CNTN6: variants seen among roughly 807,000 people sequenced by gnomAD.
The protein encoded by CNTN6 is contactin 6.
Under a neutral mutation model 122.8 loss-of-function variants are expected in CNTN6, and 137 were observed. The ratio of observed to expected loss-of-function variants is 1.12; its 90% CI spans 0.97 to 1.29. The LOEUF (loss-of-function observed/expected upper bound fraction) is 1.29. CNTN6 is among the 50% of genes most tolerant of loss of function. CNTN6 has a pLI of 0.00. For synonymous variants in CNTN6, 570 were observed against 426.0 expected (o/e 1.34, Z -4.16); for missense variants, 1,634 against 1,223.4 (o/e 1.34, Z -5.01).
At chr3:1,294,625 G>A (rs528863070) in intron 5 of CNTN6, among the ~76,000 whole-genome samples, 2 of 152,252 alleles carry the variant, frequency 1.3e-5, no homozygotes, top group South Asian at 4.1e-4. Context: ...ACTGATTGAT[G>A]TTCAGTAAAA....
chr3:1,144,124 G>A (rs7645349), intron 1 of CNTN6, among the ~76,000 whole-genome samples: 24,655 of 152,116 alleles, frequency 0.16, 2,344 homozygotes, highest in African/African-American at 0.25. Context: ...ACACCACGCC[G>A]AGTATTACGA....
intron 1 of CNTN6, among the ~76,000 whole-genome samples, chr3:1,123,544 T>C (rs1393333628): frequency 6.6e-6 from 1 of 152,070 alleles, no homozygotes; most frequent in Non-Finnish European, 1.5e-5. Context: ...TTTGATCTTC[T>C]ACCTACAACT....
chr3:1,119,124 A>G (rs1452508452), intron 1 of CNTN6, among the ~76,000 whole-genome samples: 1 of 152,006 alleles, frequency 6.6e-6, no homozygotes, highest in Non-Finnish European at 1.5e-5. Flanking sequence ...GCTTTTTTAC[A>G]TTCTGTCTTC....
At chr3:1,211,295 T>C (rs527410775) in intron 2 of CNTN6, among the ~76,000 whole-genome samples, 18 of 152,256 alleles carry the variant, frequency 1.2e-4, no homozygotes, top group Admixed American at 7.9e-4. Flanking sequence ...GCTCATACAA[T>C]GTGATTCAGG....
Position 1,283,703 on chromosome 3 carries a change from G to A in CNTN6, c.454+5195G>A, listed in dbSNP as rs117965411. Reference sequence around the variant, plus strand: ...AGAACACTCTTTCCCTTCATTGGTTGGATATGAAACTCTCGGCGGGGCTCA... The same window carrying A: ...AGAACACTCTTTCCCTTCATTGGTTAGATATGAAACTCTCGGCGGGGCTCA... On this transcript the variant is annotated intron_variant, in intron 5 of 22. Transcript: ENST00000446702. Among the ~76,000 whole-genome samples the A allele has an allele frequency of 2.5e-3, 380 of 152,198 alleles. 12 individuals carry two copies. In the East Asian group the frequency reaches 0.067, roughly 27 times the overall value.
intron 20 of CNTN6, among the ~76,000 whole-genome samples, chr3:1,388,237 C>G (rs1301468381): frequency 6.7e-6 from 1 of 149,398 alleles, no homozygotes; most frequent in South Asian, 2.1e-4. Flanking sequence ...ACTGCCTCCT[C>G]AAGTGGGTCC....
intron 20 of CNTN6, 27 bp from the exon 21 acceptor site, chr3:1,401,405 AT>A: frequency 6.4e-7 from 1 of 1,568,266 alleles, no homozygotes; most frequent in Non-Finnish European, 8.8e-7. Context: ...ATTAACATTC[AT>A]TTGGATCTTT....
intron 2 of CNTN6, among the ~76,000 whole-genome samples, chr3:1,219,819 A>G (rs2036233): frequency 0.24 from 35,793 of 151,424 alleles, 5,405 homozygotes; most frequent in East Asian, 0.46. Flanking sequence ...ATTTTAAGAC[A>G]AGCCTGGCAA....
chr3:1,384,823 ATATATATAAC>A (rs1692613243), intron 19 of CNTN6, among the ~76,000 whole-genome samples: 2 of 148,294 alleles, frequency 1.3e-5, no homozygotes. Context: ...ATATATATAT[ATATATATAAC>A]CATAATCCTC....
chr3:1,200,928 T>C (rs994504774), intron 2 of CNTN6, among the ~76,000 whole-genome samples: 1 of 149,742 alleles, frequency 6.7e-6, no homozygotes, highest in Non-Finnish European at 1.5e-5. Flanking sequence ...TTTCGTTCTT[T>C]TTTTCTTTTT....
At chr3:1,326,969 C>T (rs1388024830) in intron 9 of CNTN6, among the ~76,000 whole-genome samples, 1 of 151,890 alleles carries the variant, frequency 6.6e-6, no homozygotes, top group African/African-American at 2.4e-5. Flanking sequence ...TTTAGGCACA[C>T]TTTATAGTAG....
chr3:1,093,877 T>A (rs1389445004), intron 1 of CNTN6, among the ~76,000 whole-genome samples: 1 of 152,118 alleles, frequency 6.6e-6, no homozygotes, highest in African/African-American at 2.4e-5. Context: ...TACTGTAACA[T>A]TGGGGTTTGG....
At position 1,153,397 on chromosome 3, in the gene CNTN6, CTT is replaced by C. The variant is rs537338857; in HGVS notation, c.55+5336_55+5337del. ...ACTGAGACTCAAAATTATAATAAGT[CTT>C]TGCAGCCATCATTTTTATGTAATGT... On this transcript the variant is annotated intron_variant, in intron 2 of 22. Transcript: ENST00000446702. 2.2e-3 allele frequency among the ~76,000 whole-genome samples: 339 copies of C among 152,228 alleles called. 3 individuals carry two copies. In the Middle Eastern group the frequency reaches 0.024, roughly 11 times the overall value.
At chr3:1,198,828 C>A (rs375368806) in intron 2 of CNTN6, among the ~76,000 whole-genome samples, 1 of 152,154 alleles carries the variant, frequency 6.6e-6, no homozygotes, top group Admixed American at 6.5e-5. Context: ...ACTAAGAGTG[C>A]GATCTTATTT....
chr3:1,260,732 C>A (rs1047750748), intron 4 of CNTN6, among the ~76,000 whole-genome samples: 4 of 151,882 alleles, frequency 2.6e-5, no homozygotes, highest in African/African-American at 9.7e-5. Context: ...AATGAGTTCT[C>A]ACGAGATCTG....
intron 10 of CNTN6, among the ~76,000 whole-genome samples, chr3:1,329,148 A>G (rs951661456): frequency 6.6e-6 from 1 of 151,128 alleles, no homozygotes; most frequent in African/African-American, 2.4e-5. Context: ...CATATGTTCC[A>G]TTGCTTATAT....
intron 4 of CNTN6, among the ~76,000 whole-genome samples, chr3:1,230,292 G>A (rs2125561878): frequency 6.6e-6 from 1 of 152,204 alleles, no homozygotes; most frequent in Non-Finnish European, 1.5e-5. Context: ...ACAACGTTAA[G>A]CTTCTGTTAA....
At chr3:1,120,289 A>G (rs770397555) in intron 1 of CNTN6, among the ~76,000 whole-genome samples, 1 of 151,878 alleles carries the variant, frequency 6.6e-6, no homozygotes, top group Non-Finnish European at 1.5e-5. Context: ...TGTTTTTGAA[A>G]GTGGTTGTGT....
At chr3:1,378,517 G>C (rs935433028) in intron 17 of CNTN6, among the ~76,000 whole-genome samples, 3 of 152,128 alleles carry the variant, frequency 2.0e-5, no homozygotes, top group Admixed American at 6.5e-5. Flanking sequence ...GCCTAGCACA[G>C]TGCTTGGAAA....
Sources: gnomAD v4.1 joint callset for allele counts (sites outside exome capture counted in the v4.1 genomes callset) on GRCh38, gnomAD v4.1.1 for gene constraint, MANE v1.5 for transcripts, NCBI Gene and HGNC (gene_info 2026-07-23, HGNC 2026-07-21) for gene names.